Variants in IGF1R observed in about 807,000 individuals in gnomAD.
The protein encoded by IGF1R is insulin like growth factor 1 receptor, also known as insulin-like growth factor 1 receptor.
In IGF1R, 44 loss-of-function variants were observed where a neutral mutation model predicts 144.6. The observed-to-expected ratio is 0.30, with a 90% CI of 0.24 to 0.39. IGF1R has a LOEUF of 0.39. IGF1R is among the 10% of genes least tolerant of loss of function. IGF1R has a pLI of 1.00. For synonymous variants in IGF1R, 795 were observed against 722.8 expected, an observed-to-expected ratio of 1.10 and a Z score of -1.60; for missense variants, 1,355 against 1,833.7, an observed-to-expected ratio of 0.74 and a Z score of 4.77.
Position 98,958,129 on chromosome 15 carries a change from C to A in IGF1R, c.*687C>A, listed in dbSNP as rs529711304. The A allele has an allele frequency of 4.3e-6, 1 of 233,568 alleles. No individual in the cohort carries two copies. The highest frequency in any genetic ancestry group is 8.5e-6 in the Non-Finnish European group (1 of 118,098). 14.5% of individuals were successfully genotyped at this position (233,568 alleles called of 1,614,324 possible). On this transcript the variant is annotated 3_prime_UTR_variant, in exon 21 of 21. Coordinates refer to ENST00000650285, the MANE Select transcript of IGF1R (RefSeq NM_000875.5). ...AGCTGGTTGCTCCATTTGAGAGACA[C>A]GCTGGCGACACACTCCGTCCATCCG... is the stretch of plus-strand genomic sequence containing the variant.
intron 2 of IGF1R, among the ~76,000 whole-genome samples, chr15:98,741,361 AG>A (rs1161941712): frequency 2.8e-5 from 4 of 143,448 alleles, no homozygotes; most frequent in Non-Finnish European, 6.0e-5. Flanking sequence ...GCTTTCTTTT[AG>A]GGTTAGGTAA....
chr15:98,879,065 G>A (rs535966168), intron 2 of IGF1R, among the ~76,000 whole-genome samples: 55 of 152,222 alleles, frequency 3.6e-4, no homozygotes, highest in South Asian at 1.9e-3. Flanking sequence ...GAAGAAACCC[G>A]GCTCATGATG....
chr15:98,786,177 T>C (rs905448520), intron 2 of IGF1R, among the ~76,000 whole-genome samples: 2 of 152,214 alleles, frequency 1.3e-5, no homozygotes, highest in African/African-American at 4.8e-5. Flanking sequence ...TCCCCACCAG[T>C]TGACCTCAGT....
intron 1 of IGF1R, among the ~76,000 whole-genome samples, chr15:98,683,665 G>C (rs1042468184): frequency 2.0e-5 from 3 of 152,202 alleles, no homozygotes; most frequent in Non-Finnish European, 2.9e-5. Context: ...AAGTGCATCT[G>C]ACAAGCCCAT....
chr15:98,820,564 A>C (rs115888377), intron 2 of IGF1R, among the ~76,000 whole-genome samples: 3,185 of 152,262 alleles, frequency 0.021, 120 homozygotes, highest in African/African-American at 0.072. Flanking sequence ...CACCTTTTAA[A>C]AGCAAAAGAT....
intron 2 of IGF1R, among the ~76,000 whole-genome samples, chr15:98,787,335 A>T (rs1229277381): frequency 6.6e-6 from 1 of 152,232 alleles, no homozygotes; most frequent in Non-Finnish European, 1.5e-5. Context: ...GCACTCTCAG[A>T]TAAAACACCT....
At chr15:98,904,073 G>A (rs2014610134) in intron 5 of IGF1R, among the ~76,000 whole-genome samples, 1 of 124,164 alleles carries the variant, frequency 8.1e-6, no homozygotes, top group Non-Finnish European at 1.7e-5. Context: ...TTTTTTTTGA[G>A]ATGGAGTCTC....
chr15:98,775,479 C>G (rs547210435), intron 2 of IGF1R, among the ~76,000 whole-genome samples: 1 of 152,158 alleles, frequency 6.6e-6, no homozygotes, highest in South Asian at 2.1e-4. Context: ...GACCGTTGCC[C>G]TAGACACTGT....
At position 98,723,423 on chromosome 15, in the gene IGF1R, A is replaced by G. The variant is rs1485122278; in HGVS notation, c.640+15316A>G. 5.3e-5 allele frequency among the ~76,000 whole-genome samples: 8 copies of G among 152,218 alleles called. No individual in the cohort carries two copies. The East Asian group carries it at 1.5e-3, about 29-fold the overall frequency. On this transcript the variant is annotated intron_variant, in intron 2 of 20. Transcript: ENST00000650285. ...ATGGGCAAATGAAGGATTTGTGGCA[A>G]AGAAGATCTGCCGAAACAAATAAGT... is the stretch of plus-strand genomic sequence containing the variant.
Position 98,939,195 on chromosome 15 carries a change from C to T in IGF1R, c.3298-6C>T, listed in dbSNP as rs747447622. On this transcript the variant is annotated splice_region_variant and splice_polypyrimidine_tract_variant and intron_variant, in intron 17 of 20. Coordinates refer to ENST00000650285, the MANE Select transcript of IGF1R (RefSeq NM_000875.5). ...TCTCATGTGAATTTTTTTAAATCTC[C>T]AACAGAATAATCCAGTCCTAGCACC... 5 of 1,613,014 alleles carry T rather than the reference C, an allele frequency of 3.1e-6. No homozygotes were observed. Among genetic ancestry groups the T allele is most frequent in the South Asian group, 1.1e-5 (1 of 91,008 alleles).
intron 17 of IGF1R, among the ~76,000 whole-genome samples, chr15:98,938,424 C>T (rs1045663862): frequency 1.3e-5 from 2 of 152,160 alleles, no homozygotes; most frequent in African/African-American, 4.8e-5. Context: ...GAGACTTGGG[C>T]ATGTGTTTTA....
Position 98,664,997 on chromosome 15 carries a change from G to A in IGF1R, c.94+15322G>A, listed in dbSNP as rs1358610581. Among the ~76,000 whole-genome samples the A allele has an allele frequency of 2.0e-4, 28 of 138,824 alleles. No homozygotes were observed. In the South Asian group the frequency reaches 6.0e-3, roughly 30 times the overall value. 91.1% of individuals were successfully genotyped at this position (138,824 alleles called of 152,430 possible). ...TTTTTGGATGGAATCTCGCTCTGTC[G>A]TCCAGGCTGGAGTGTGGTGGCGCAA... On this transcript the variant is annotated intron_variant, in intron 1 of 20. Transcript: ENST00000650285.
intron 2 of IGF1R, among the ~76,000 whole-genome samples, chr15:98,714,305 G>A (rs2054064888): frequency 6.6e-6 from 1 of 152,112 alleles, no homozygotes; most frequent in Admixed American, 6.5e-5. Flanking sequence ...CTATAGGTTG[G>A]TGTGGCTGAC....
chr15:98,839,123 G>A (rs2011133206), intron 2 of IGF1R, among the ~76,000 whole-genome samples: 1 of 152,212 alleles, frequency 6.6e-6, no homozygotes, highest in Admixed American at 6.5e-5. Context: ...GATGACAGCT[G>A]GAGCTGACAC....
At chr15:98,657,678 C>T (rs1341122489) in intron 1 of IGF1R, among the ~76,000 whole-genome samples, 1 of 152,066 alleles carries the variant, frequency 6.6e-6, no homozygotes, top group Non-Finnish European at 1.5e-5. Context: ...ATCGTGTAGT[C>T]GTAGGTACAG....
At chr15:98,872,860 C>CA (rs1464464679) in intron 2 of IGF1R, among the ~76,000 whole-genome samples, 23 of 101,688 alleles carry the variant, frequency 2.3e-4, no homozygotes, top group Middle Eastern at 0.01. Context: ...AAAAACAAAA[C>CA]AGACAGACAG....
intron 2 of IGF1R, among the ~76,000 whole-genome samples, chr15:98,878,593 G>T (rs921534082): frequency 1.9e-4 from 25 of 135,086 alleles, no homozygotes; most frequent in African/African-American, 7.0e-4. Context: ...GTTGCTCACA[G>T]TACTGGGGAA....
At chr15:98,811,495 A>C (rs1448960674) in intron 2 of IGF1R, among the ~76,000 whole-genome samples, 1 of 147,316 alleles carries the variant, frequency 6.8e-6, no homozygotes, top group Non-Finnish European at 1.5e-5. Context: ...ACGCCACTGC[A>C]CTCCAGCCTG....
At chr15:98,754,902 C>G (rs947143968) in intron 2 of IGF1R, among the ~76,000 whole-genome samples, 1 of 152,174 alleles carries the variant, frequency 6.6e-6, no homozygotes, top group Non-Finnish European at 1.5e-5. Flanking sequence ...CTGCAGTGCT[C>G]ACCCTTCCTA....
Sources: allele counts gnomAD v4.1 joint callset (sites outside exome capture counted in the v4.1 genomes callset), GRCh38; gene constraint gnomAD v4.1.1; transcripts MANE v1.5; gene names NCBI Gene and HGNC (gene_info 2026-07-23, HGNC 2026-07-21).